Variants in DKK2 observed in about 807,000 individuals in gnomAD.
DKK2 encodes the protein dickkopf Wnt signaling pathway inhibitor 2.
In DKK2, 11 loss-of-function variants were observed where a neutral mutation model predicts 28.1. That is an observed-to-expected ratio of 0.39 (90% confidence interval 0.25 to 0.65). The LOEUF (loss-of-function observed/expected upper bound fraction) is 0.65, where lower values mean the gene tolerates loss of function less well. Among genes scored for constraint, DKK2 ranks in the 30% least tolerant of loss-of-function variants. DKK2 has a pLI of 0.47. For missense variants in DKK2, 326 were observed against 335.5 expected, an observed-to-expected ratio of 0.97 and a Z score of 0.22; for synonymous variants, 135 against 126.5, an observed-to-expected ratio of 1.07 and a Z score of -0.45.
chr4:107,011,822 G>T (rs1723522817), intron 1 of DKK2, among the ~76,000 whole-genome samples: 1 of 151,146 alleles, frequency 6.6e-6, no homozygotes. Context: ...AAAGTGTTTT[G>T]CACCATCAAT....
chr4:106,965,412 G>GT (rs959458184), intron 1 of DKK2, among the ~76,000 whole-genome samples: 1 of 152,058 alleles, frequency 6.6e-6, no homozygotes, highest in African/African-American at 2.4e-5. Context: ...AAAGCCAAGA[G>GT]TTATACAGGT....
chr4:106,947,635 G>A (rs1203574869), intron 1 of DKK2, among the ~76,000 whole-genome samples: 1 of 151,022 alleles, frequency 6.6e-6, no homozygotes, highest in African/African-American at 2.4e-5. Context: ...GAGTTGGGTA[G>A]GCTTTAAAAA....
chr4:106,983,340 G>GAA (rs1723060441), intron 1 of DKK2, among the ~76,000 whole-genome samples: 2 of 124,432 alleles, frequency 1.6e-5, no homozygotes, highest in African/African-American at 5.7e-5. Flanking sequence ...AAGAAAGGAA[G>GAA]AAAGAAAGAA....
chr4:106,950,829 T>A (rs1243902119), intron 1 of DKK2, among the ~76,000 whole-genome samples: 5 of 152,154 alleles, frequency 3.3e-5, no homozygotes, highest in Non-Finnish European at 7.3e-5. Flanking sequence ...ATTGCTAAAT[T>A]TTCCACGAAG....
intron 1 of DKK2, among the ~76,000 whole-genome samples, chr4:106,936,175 G>A (rs925458576): frequency 2.7e-4 from 41 of 152,166 alleles, no homozygotes; most frequent in African/African-American, 8.7e-4. Context: ...TTTGAGCTAC[G>A]GGAGGACATT....
At chr4:106,973,477 C>T (rs530252417) in intron 1 of DKK2, among the ~76,000 whole-genome samples, 1 of 152,336 alleles carries the variant, frequency 6.6e-6, no homozygotes, top group South Asian at 2.1e-4. Flanking sequence ...TTGCATTTCT[C>T]TAATGACCAG....
chr4:107,027,679 T>C (rs191451318), intron 1 of DKK2, among the ~76,000 whole-genome samples: 1 of 152,192 alleles, frequency 6.6e-6, no homozygotes, highest in East Asian at 1.9e-4. Context: ...AGAAGCAGTC[T>C]AATATGCTGT....
intron 1 of DKK2, among the ~76,000 whole-genome samples, chr4:106,994,103 T>C (rs1560588039): frequency 6.6e-6 from 1 of 152,202 alleles, no homozygotes. Flanking sequence ...TTGTGGTTCT[T>C]ATAAACTGCC....
intron 1 of DKK2, among the ~76,000 whole-genome samples, chr4:106,983,394 A>AG (rs1286926242): frequency 5.3e-5 from 8 of 151,898 alleles, no homozygotes; most frequent in Non-Finnish European, 1.2e-4. Flanking sequence ...GAAAAGAAAA[A>AG]GAAAAAACTT....
At chr4:107,011,683 TTGTC>T (rs1443233640) in intron 1 of DKK2, among the ~76,000 whole-genome samples, 6 of 148,936 alleles carry the variant, frequency 4.0e-5, no homozygotes, top group Admixed American at 2.1e-4. Flanking sequence ...GCATATATCT[TTGTC>T]TGAGTGTGTG....
intron 1 of DKK2, among the ~76,000 whole-genome samples, chr4:106,926,760 G>GCTGAAGTATTATCACT (rs1444508285): frequency 6.6e-6 from 1 of 152,080 alleles, no homozygotes; most frequent in Non-Finnish European, 1.5e-5. Flanking sequence ...CTTCAGCAGT[G>GCTGAAGTATTATCACT]TCATATATTA....
At chr4:106,974,339 C>A (rs540459618) in intron 1 of DKK2, among the ~76,000 whole-genome samples, 7 of 152,204 alleles carry the variant, frequency 4.6e-5, no homozygotes, top group African/African-American at 1.4e-4. Flanking sequence ...GGCAGTATGG[C>A]CATTTTCACG....
At chr4:106,979,465 C>T (rs1353597608) in intron 1 of DKK2, among the ~76,000 whole-genome samples, 2 of 142,462 alleles carry the variant, frequency 1.4e-5, no homozygotes, top group Non-Finnish European at 1.5e-5. Context: ...TTTTCAAATA[C>T]AGGAAGAGTG....
intron 1 of DKK2, among the ~76,000 whole-genome samples, chr4:106,943,995 G>T (rs952026451): frequency 6.6e-6 from 1 of 151,976 alleles, no homozygotes; most frequent in Admixed American, 6.6e-5. Flanking sequence ...TATATTTCTT[G>T]TTGGTGGATC....
chr4:106,979,102 T>C (rs1404446777), intron 1 of DKK2, among the ~76,000 whole-genome samples: 1 of 151,940 alleles, frequency 6.6e-6, no homozygotes, highest in East Asian at 1.9e-4. Context: ...TTTATAAAAC[T>C]GTGAAGTTCT....
intron 1 of DKK2, among the ~76,000 whole-genome samples, chr4:106,978,492 C>T (rs1722976231): frequency 6.6e-6 from 1 of 152,086 alleles, no homozygotes; most frequent in Admixed American, 6.5e-5. Flanking sequence ...TGTGGAGCTG[C>T]GGTGGGCTCT....
intron 1 of DKK2, among the ~76,000 whole-genome samples, chr4:106,966,045 G>A (rs188476854): frequency 1.5e-3 from 224 of 151,900 alleles, no homozygotes; most frequent in African/African-American, 2.2e-3. Flanking sequence ...GAATAGTGCC[G>A]CAATAAACAT....
chr4:107,020,762 G>T (rs533117739), intron 1 of DKK2, among the ~76,000 whole-genome samples: 7 of 151,722 alleles, frequency 4.6e-5, no homozygotes, highest in Non-Finnish European at 7.4e-5. Context: ...TTTTTGACAG[G>T]CTTTGTGTGT....
chr4:106,929,432 G>A (rs1275463830), intron 1 of DKK2, among the ~76,000 whole-genome samples: 1 of 152,134 alleles, frequency 6.6e-6, no homozygotes, highest in Non-Finnish European at 1.5e-5. Context: ...CTCAGCTTAT[G>A]AGCATCCAGG....
Sources: gnomAD v4.1 joint callset for allele counts (sites outside exome capture counted in the v4.1 genomes callset) on GRCh38, gnomAD v4.1.1 for gene constraint, MANE v1.5 for transcripts, NCBI Gene and HGNC (gene_info 2026-07-23, HGNC 2026-07-21) for gene names.